LTBP1: variants seen among roughly 807,000 people sequenced by gnomAD.
The protein encoded by LTBP1 is latent transforming growth factor beta binding protein 1.
LTBP1 carries 129 observed loss-of-function variants against 207.6 expected under a neutral mutation model. The observed-to-expected ratio is 0.62, with a 90% confidence interval of 0.54 to 0.72. The LOEUF (loss-of-function observed/expected upper bound fraction) is 0.72, where lower values mean the gene tolerates loss of function less well. Ranked by LOEUF, LTBP1 falls within the 30% of genes least tolerant of loss-of-function variation. The pLI is 0.00. For synonymous variants in LTBP1, 963 were observed against 833.7 expected (o/e 1.16, Z -2.67); for missense variants, 2,281 against 2,217.2 (o/e 1.03, Z -0.58).
chr2:33,200,258 G>T lies in LTBP1; in HGVS notation c.1701+11407G>T, dbSNP rs185489110. ...AGGCTACAGTAACCAAAACAGCGTG[G>T]TACTGGTACCAAAACAGAGATATAA... is the stretch of plus-strand genomic sequence containing the variant. On this transcript the variant is annotated intron_variant, in intron 7 of 33. Coordinates refer to ENST00000404816, the MANE Select transcript of LTBP1 (RefSeq NM_206943.4). Among the ~76,000 whole-genome samples, 4 of 152,298 alleles carry T rather than the reference G, an allele frequency of 2.6e-5. No homozygotes were observed. The East Asian group carries it at 7.7e-4, about 29-fold the overall frequency.
At chr2:33,160,399 C>T (rs904759149) in intron 5 of LTBP1, among the ~76,000 whole-genome samples, 1 of 152,128 alleles carries the variant, frequency 6.6e-6, no homozygotes, top group East Asian at 1.9e-4. Flanking sequence ...GTTAGAGCAA[C>T]GCTGCTTCCA....
At chr2:32,971,216 T>C (rs1680826378) in intron 2 of LTBP1, among the ~76,000 whole-genome samples, 1 of 152,202 alleles carries the variant, frequency 6.6e-6, no homozygotes, top group Non-Finnish European at 1.5e-5. Context: ...GTTTTCTAGA[T>C]ATAAAATCAT....
intron 3 of LTBP1, among the ~76,000 whole-genome samples, chr2:33,096,113 G>T (rs1454317987): frequency 5.3e-5 from 8 of 152,004 alleles, no homozygotes; most frequent in Non-Finnish European, 1.5e-5. Flanking sequence ...AAAGATAAAG[G>T]AAAATCTTGA....
At chr2:33,365,696 C>G (rs925248185) in intron 31 of LTBP1, among the ~76,000 whole-genome samples, 193 bp downstream of exon 31, 1 of 151,766 alleles carries the variant, frequency 6.6e-6, no homozygotes, top group Non-Finnish European at 1.5e-5. Flanking sequence ...ACCTCTACTC[C>G]CGACCCTGTC....
intron 3 of LTBP1, among the ~76,000 whole-genome samples, chr2:33,046,663 T>C (rs2076462183): frequency 6.6e-6 from 1 of 152,150 alleles, no homozygotes; most frequent in Non-Finnish European, 1.5e-5. Context: ...TTTTCTACTG[T>C]TTGGAATAGT....
intron 2 of LTBP1, among the ~76,000 whole-genome samples, chr2:32,972,264 A>G (rs1221669266): frequency 9.2e-6 from 1 of 108,670 alleles, no homozygotes; most frequent in Non-Finnish European, 2.1e-5. Context: ...GGTTTCATTG[A>G]TCTTTTGTGT....
At chr2:33,356,552 G>C (rs181474895) in intron 26 of LTBP1, among the ~76,000 whole-genome samples, 1 of 152,064 alleles carries the variant, frequency 6.6e-6, no homozygotes, top group African/African-American at 2.4e-5. Flanking sequence ...GGTGGCAGGC[G>C]CCTGTAGTCC....
chr2:33,384,461 T>A (rs2095248553), intron 31 of LTBP1, among the ~76,000 whole-genome samples: 1 of 152,210 alleles, frequency 6.6e-6, no homozygotes. Context: ...GGTATTTGGC[T>A]AGATTCCAGA....
chr2:33,361,070 A>G (rs971498435), intron 27 of LTBP1, among the ~76,000 whole-genome samples: 2 of 152,248 alleles, frequency 1.3e-5, no homozygotes, highest in African/African-American at 4.8e-5. Flanking sequence ...ACAATGATAC[A>G]GCATTATTCG....
intron 24 of LTBP1, chr2:33,333,111 AATG>A (rs911009542): frequency 5.3e-5 from 8 of 152,226 alleles, no homozygotes; most frequent in African/African-American, 1.9e-4. Flanking sequence ...GGAGCAGGAC[AATG>A]ATATACTATA....
intron 23 of LTBP1, among the ~76,000 whole-genome samples, chr2:33,309,942 G>C (rs796776105): frequency 6.9e-6 from 1 of 144,990 alleles, no homozygotes; most frequent in Non-Finnish European, 1.5e-5. Flanking sequence ...TCCAGTGCCC[G>C]CCATTGCTTT....
At chr2:33,081,919 C>A (rs1343143549) in intron 3 of LTBP1, among the ~76,000 whole-genome samples, 3 of 152,148 alleles carry the variant, frequency 2.0e-5, no homozygotes, top group Non-Finnish European at 4.4e-5. Flanking sequence ...CTTCCCCTTC[C>A]GCCACCACGA....
At chr2:33,278,696 G>A (rs2093497107) in intron 18 of LTBP1, among the ~76,000 whole-genome samples, 1 of 152,102 alleles carries the variant, frequency 6.6e-6, no homozygotes, top group East Asian at 1.9e-4. Context: ...GGCATTCTCT[G>A]ATTTAGCAGT....
At chr2:33,336,406 G>A (rs957786775) in intron 24 of LTBP1, among the ~76,000 whole-genome samples, 5 of 152,174 alleles carry the variant, frequency 3.3e-5, no homozygotes, top group Admixed American at 6.5e-5. Context: ...CAGCTCTCCC[G>A]CTAACTGACT....
intron 2 of LTBP1, among the ~76,000 whole-genome samples, chr2:32,964,964 A>G (rs1034763097): frequency 6.6e-6 from 1 of 151,932 alleles, no homozygotes; most frequent in African/African-American, 2.4e-5. Context: ...CGCTTGAACC[A>G]GGGAGGTGGA....
In LTBP1 at chr2:33,257,441, A is replaced by G; in HGVS notation, c.2325A>G (p.Pro775=). The G allele has an allele frequency of 1.2e-6, 2 of 1,614,216 alleles. No individual in the cohort carries two copies. Among genetic ancestry groups the G allele is most frequent in the Non-Finnish European group, 1.7e-6 (2 of 1,180,022 alleles). The change falls in exon 12 of 34, where the codon CCA becomes CCG. Residue 775 remains proline (P), a synonymous_variant. Transcript: ENST00000404816. Reference sequence around the variant, plus strand: ...AAAGTACTCATCCTCCACCTCTCCCAGCCAAGGAAGAGCCAGTGGAGGCCC... The same window carrying G: ...AAAGTACTCATCCTCCACCTCTCCCGGCCAAGGAAGAGCCAGTGGAGGCCC... ...VAKSTHPPPL[P]AKEEPVEALT...
rs1676290362 is a variant in LTBP1 at position 32,947,115 on chromosome 2, T to G, written c.-210T>G. ...CTCCGCGCTCCCCACCCCCACGCCC[T>G]CCTCCTGCTCCCAGCCACAATCGGC... On this transcript the variant is annotated 5_prime_UTR_variant, in exon 1 of 34. Coordinates refer to ENST00000404816, the MANE Select transcript of LTBP1 (RefSeq NM_206943.4). 1 of 336,414 alleles carries G rather than the reference T, an allele frequency of 3.0e-6. No homozygotes were observed. Among genetic ancestry groups the G allele is most frequent in the Non-Finnish European group, 5.3e-6 (1 of 188,590 alleles). 20.8% of individuals were successfully genotyped at this position (336,414 alleles called of 1,614,324 possible).
chr2:33,298,914 G>A (rs2093931812), intron 20 of LTBP1, among the ~76,000 whole-genome samples: 1 of 152,138 alleles, frequency 6.6e-6, no homozygotes, highest in African/African-American at 2.4e-5. Flanking sequence ...TTTCAGGGAG[G>A]GATAACCTGA....
At chr2:33,254,852 GTTTTTTTTTTTTTTTTTTT>G (rs70938393) in intron 11 of LTBP1, among the ~76,000 whole-genome samples, 2 of 10,366 alleles carry the variant, frequency 1.9e-4, no homozygotes, top group African/African-American at 1.1e-3. Context: ...GCGGTGTTTG[GTTTTTTTTTTTTTTTTTTT>G]TTTTTTTTTT....
Sources: gnomAD v4.1 joint callset for allele counts (sites outside exome capture counted in the v4.1 genomes callset) on GRCh38, gnomAD v4.1.1 for gene constraint, MANE v1.5 for transcripts, NCBI Gene and HGNC (gene_info 2026-07-23, HGNC 2026-07-21) for gene names.